Variants in CCDC159 observed in about 807,000 individuals in gnomAD.
CCDC159 encodes coiled-coil domain-containing protein 159.
CCDC159 carries 40 observed loss-of-function variants against 50.9 expected under a neutral mutation model. The ratio of observed to expected loss-of-function variants is 0.79; its 90% CI spans 0.61 to 1.02. The LOEUF (loss-of-function observed/expected upper bound fraction) is 1.02, where lower values mean the gene tolerates loss of function less well. CCDC159 is among the 50% of genes least tolerant of loss of function. The pLI is 0.00. For synonymous variants in CCDC159, 146 were observed against 138.9 expected (o/e 1.05, Z -0.36); for missense variants, 356 against 371.5 (o/e 0.96, Z 0.34).
At chr19:11,348,900 C>CACT (rs774790432) in intron 1 of CCDC159, 21 of 1,143,354 alleles carry the variant, frequency 1.8e-5, no homozygotes, top group Non-Finnish European at 2.4e-5. Context: ...GGGCTGGGGA[C>CACT]ACTGGGAGGG....
intron 1 of CCDC159, 54 bp downstream of exon 1, chr19:11,346,681 G>A: frequency 3.2e-6 from 5 of 1,539,744 alleles, no homozygotes; most frequent in Non-Finnish European, 4.4e-6. Flanking sequence ...CACAACCCAG[G>A]GGGCGGAGCC....
rs1389520022 is a variant in CCDC159, at chr19:11,353,789, C to A, written c.690-3C>A. 2 of 1,593,128 alleles carry A rather than the reference C, an allele frequency of 1.3e-6. No individual in the cohort carries two copies. The highest frequency in any genetic ancestry group is 1.7e-6 in the Non-Finnish European group (2 of 1,169,972). ...GCGCCCCCAGCTCCTTGTCTTCTTG[C>A]AGGTCTGCTGTGCACGTGCTGCAGA... On this transcript the variant is annotated splice_region_variant and splice_polypyrimidine_tract_variant and intron_variant, in intron 8 of 10. Transcript: ENST00000458408.
At chr19:11,348,083 A>G in intron 1 of CCDC159, 1 of 453,506 alleles carries the variant, frequency 2.2e-6, no homozygotes, top group East Asian at 7.0e-5. Flanking sequence ...TTCAGCCATC[A>G]TGAATTTACC....
chr19:11,353,821 T>C lies in CCDC159; in HGVS notation c.719T>C (p.Ile240Thr), dbSNP rs200561735. 4.3e-5 allele frequency: 68 copies of C among 1,598,942 alleles called. No individual in the cohort carries two copies. The Admixed American group carries it at 7.3e-4, about 17-fold the overall frequency. Residue 240 changes from isoleucine to threonine, a missense_variant, in exon 9 of 11, where the codon ATA becomes ACA. Coordinates refer to ENST00000458408, the MANE Select transcript of CCDC159 (RefSeq NM_001080503.3). ...WSAVHVLQNS[I>T]DSLTLCSGAC... is the part of the protein sequence containing the mutation. ...GCTGTGCACGTGCTGCAGAACTCCA[T>C]AGACAGCCTCACTTTGTGCTCGGGG...
intron 7 of CCDC159, among the ~76,000 whole-genome samples, chr19:11,352,746 C>A (rs1283266064): frequency 6.6e-6 from 1 of 152,014 alleles, no homozygotes; most frequent in Admixed American, 6.6e-5. Flanking sequence ...GCCTAGGCAA[C>A]ATGGCAAAAC....
At position 11,354,675 on chromosome 19, in the gene CCDC159, A is replaced by G. The variant is rs1319910267; in HGVS notation, c.868A>G (p.Ser290Gly). ...QDLSQPPFSK[S>G]GRSFPPA Reference sequence around the variant, plus strand: ...CCTCTCCCAGCCACCTTTCAGCAAGAGCGGCCGCTCCTTCCCACCCGGTGC... The same window carrying G: ...CCTCTCCCAGCCACCTTTCAGCAAGGGCGGCCGCTCCTTCCCACCCGGTGC... Residue 290 changes from serine (S) to glycine (G), a missense_variant, in exon 10 of 11, where the codon AGC becomes GGC. Ser to Gly is a moderately conservative substitution (Grantham distance 56, BLOSUM62 0). Coordinates refer to ENST00000458408, the MANE Select transcript of CCDC159 (RefSeq NM_001080503.3). The G allele has an allele frequency of 6.2e-7, 1 of 1,606,500 alleles. No individual in the cohort carries two copies. The highest frequency in any genetic ancestry group is 2.2e-5 in the East Asian group (1 of 44,570).
At chr19:11,347,616 C>T (rs1370012808) in intron 1 of CCDC159, among the ~76,000 whole-genome samples, 1 of 152,186 alleles carries the variant, frequency 6.6e-6, no homozygotes, top group Non-Finnish European at 1.5e-5. Flanking sequence ...AGGTGTTAGC[C>T]ACCGTGCCCA....
chr19:11,349,625 T>C, intron 1 of CCDC159, 29 bp from the exon 2 acceptor site: 1 of 1,612,348 alleles, frequency 6.2e-7, no homozygotes, highest in Non-Finnish European at 8.5e-7. Context: ...GGGACAAATT[T>C]CTACTCCCAT....
At position 11,353,847 on chromosome 19, in the gene CCDC159, G is replaced by A. The variant is rs778182058; in HGVS notation, c.745G>A (p.Ala249Thr). Residue 249 changes from alanine to threonine, a missense_variant, in exon 9 of 11, where the codon GCC becomes ACC. Transcript: ENST00000458408. ...SIDSLTLCSG[A>T]CPKASSLRGH... ...AGACAGCCTCACTTTGTGCTCGGGGGCCTGTCCCAAGGCCTCGAGCCTAAG... is the reference window on the plus strand; with the variant it reads ...AGACAGCCTCACTTTGTGCTCGGGGACCTGTCCCAAGGCCTCGAGCCTAAG... The A allele has an allele frequency of 1.4e-5, 22 of 1,586,536 alleles. No homozygotes were observed. Among genetic ancestry groups the A allele is most frequent in the Non-Finnish European group, 1.9e-5 (22 of 1,166,978 alleles).
chr19:11,353,394 C>G (rs1007634453), intron 7 of CCDC159, 57 bp from the exon 8 acceptor site: 74 of 1,517,658 alleles, frequency 4.9e-5, no homozygotes, highest in African/African-American at 1.4e-5. Flanking sequence ...GCCACCGCGC[C>G]TGGCACTATT....
chr19:11,353,603 C>A, intron 8 of CCDC159, 31 bp downstream of exon 8: 2 of 1,607,658 alleles, frequency 1.2e-6, no homozygotes, highest in Admixed American at 1.7e-5. Context: ...TGACCCCTGA[C>A]CCTCCTCTGA....
At position 11,354,569 on chromosome 19, in the gene CCDC159, C is replaced by G. The variant is rs1435989133; in HGVS notation, c.773-11C>G. 7.0e-6 allele frequency: 11 copies of G among 1,569,062 alleles called. No individual in the cohort carries two copies. The highest frequency in any genetic ancestry group is 9.5e-6 in the Non-Finnish European group (11 of 1,157,566). The stretch of plus-strand genomic sequence containing the variant: ...TGAGGGTCACATTCAGGGAACCTGT[C>G]CCTCCTGCAGGCCACAAGGGGCACC... On this transcript the variant is annotated splice_polypyrimidine_tract_variant and intron_variant, in intron 9 of 10. Transcript: ENST00000458408.
Position 11,350,951 on chromosome 19 carries a change from C to A in CCDC159, c.370C>A (p.Arg124=). ...KTLRDSEEMQ[R]ARTTRCLQLL... is the part of the protein sequence containing the mutation. ...CCTGCGTGACAGTGAGGAGATGCAG[C>A]GGGCCCGCACCACTCGCTGCCTGCA... The change falls in exon 5 of 11, where the codon CGG becomes AGG. Residue 124 remains arginine, a synonymous_variant. Coordinates refer to ENST00000458408, the MANE Select transcript of CCDC159 (RefSeq NM_001080503.3). 1 of 1,554,088 alleles carries A rather than the reference C, an allele frequency of 6.4e-7. No homozygotes were observed. Among genetic ancestry groups the A allele is most frequent in the Non-Finnish European group, 8.7e-7 (1 of 1,149,038 alleles).
At chr19:11,349,216 C>T (rs760776386) in intron 1 of CCDC159, 1 of 1,289,898 alleles carries the variant, frequency 7.8e-7, no homozygotes, top group Non-Finnish European at 1.0e-6. Context: ...CCCGGGAAAC[C>T]CCTTCAATGC....
intron 1 of CCDC159, chr19:11,348,638 C>G (rs1967398717): frequency 3.2e-5 from 14 of 431,066 alleles, no homozygotes; most frequent in South Asian, 2.3e-4. Context: ...CCTACCATAA[C>G]TGAGAAGCCT....
chr19:11,352,226 C>T, intron 7 of CCDC159, 93 bp downstream of exon 7: 1 of 1,256,442 alleles, frequency 8.0e-7, no homozygotes, highest in Non-Finnish European at 1.1e-6. Context: ...AGCCTGGGTT[C>T]AAATCTCAGC....
At chr19:11,349,049 G>T (rs1243278098) in intron 1 of CCDC159, 1 of 1,342,346 alleles carries the variant, frequency 7.4e-7, no homozygotes, top group Admixed American at 2.0e-5. Context: ...CCCTGCTTCT[G>T]GGGACACAGT....
chr19:11,354,429 T>G, intron 9 of CCDC159, 151 bp from the exon 10 acceptor site: 1 of 721,114 alleles, frequency 1.4e-6, no homozygotes, highest in Non-Finnish European at 2.2e-6. Context: ...GCAAGGGTCA[T>G]TGAAGTCATA....
intron 5 of CCDC159, 52 bp from the exon 6 acceptor site, chr19:11,351,854 G>A: frequency 1.3e-6 from 2 of 1,513,372 alleles, no homozygotes; most frequent in East Asian, 2.4e-5. Context: ...AGGGGCATGG[G>A]AGGTCAGGGG....
Sources: allele counts gnomAD v4.1 joint callset (sites outside exome capture counted in the v4.1 genomes callset), GRCh38; gene constraint gnomAD v4.1.1; transcripts MANE v1.5; gene names NCBI Gene and HGNC (gene_info 2026-07-23, HGNC 2026-07-21).